Variants in DPYSL2 observed in about 807,000 individuals in gnomAD.
DPYSL2 encodes the protein dihydropyrimidinase-related protein 2.
In DPYSL2, 13 loss-of-function variants were observed where a neutral mutation model predicts 69.9. The observed-to-expected ratio is 0.19, with a 90% CI of 0.12 to 0.30. DPYSL2 has a LOEUF of 0.30. Among genes scored for constraint, DPYSL2 ranks in the 10% least tolerant of loss-of-function variants. The pLI is 1.00. For missense variants in DPYSL2, 587 were observed against 918.9 expected, an observed-to-expected ratio of 0.64 and a Z score of 4.67; for synonymous variants, 326 against 359.1, an observed-to-expected ratio of 0.91 and a Z score of 1.04.
In DPYSL2 at chr8:26,652,360, C is replaced by T. The variant is rs1305763042; in HGVS notation, c.1700C>T (p.Thr567Ile). ...CTGGAGGACGGCACCCTGCATGTCA[C>T]CGAAGGCTCTGGACGCTACATTCCC... ...IVLEDGTLHV[T>I]EGSGRYIPRK... is the part of the protein sequence containing the mutation. Residue 567 changes from threonine (T) to isoleucine (I), a missense_variant, in exon 12 of 14, where the codon ACC becomes ATC. By Grantham distance (89) the Thr-to-Ile change is moderately conservative. Around this residue, in one of 3 missense-constraint regions of DPYSL2, gnomAD observed 452 missense variants for 754.3 expected, o/e 0.60. Coordinates refer to ENST00000521913, the MANE Select transcript of DPYSL2 (RefSeq NM_001197293.3). This position sits in a 1 kb window ranked among gnomAD's most constrained non-coding sequence, Gnocchi z 6.3. The T allele has an allele frequency of 6.2e-7, 1 of 1,614,186 alleles. No individual in the cohort carries two copies. The highest frequency in any genetic ancestry group is 8.5e-7 in the Non-Finnish European group (1 of 1,180,016).
At chr8:26,607,834 C>T (rs1489889723) in intron 3 of DPYSL2, among the ~76,000 whole-genome samples, 5 of 151,596 alleles carry the variant, frequency 3.3e-5, no homozygotes, top group Non-Finnish European at 7.4e-5. Context: ...AATCCCCACA[C>T]TTTGGGAGGC....
intron 7 of DPYSL2, among the ~76,000 whole-genome samples, chr8:26,632,566 T>C (rs184979970): frequency 1.4e-4 from 22 of 152,258 alleles, no homozygotes; most frequent in Admixed American, 1.2e-3. Context: ...AAGATAGGCG[T>C]AGTGGCTTGT....
intron 1 of DPYSL2, among the ~76,000 whole-genome samples, chr8:26,569,931 G>A (rs1231482691): frequency 2.0e-5 from 3 of 152,160 alleles, no homozygotes; most frequent in African/African-American, 4.8e-5. Context: ...TCAGTCGGGC[G>A]CGGTGGCTCA....
rs1803055699 is a variant in DPYSL2, at chr8:26,641,796, G to A, written c.1127-1643G>A. Among the ~76,000 whole-genome samples, 1 of 152,228 alleles carries A rather than the reference G, an allele frequency of 6.6e-6. No homozygotes were observed. Among genetic ancestry groups the A allele is most frequent in the Non-Finnish European group, 1.5e-5 (1 of 68,050 alleles). ...GGGGCGTGGTTGCTGGTGGCCTGGA[G>A]TGAGCTGCCTGCTGTGGCCTCCAGC... On this transcript the variant is annotated intron_variant, in intron 8 of 13. Coordinates refer to ENST00000521913, the MANE Select transcript of DPYSL2 (RefSeq NM_001197293.3). The surrounding 1 kb of genome is among the most constrained non-coding windows in gnomAD (Gnocchi z 4.1).
rs945691584 is a variant in DPYSL2, at chr8:26,588,283, A to T, written c.628+4300A>T. On this transcript the variant is annotated intron_variant, in intron 3 of 13. Transcript: ENST00000521913. The surrounding 1 kb of genome is among the most constrained non-coding windows in gnomAD (Gnocchi z 5.4). ...GGCGCTGTCTAGGCGTGGCTGGCGG[A>T]CTGTGTGCTTTGTGTGTTGCTTCTG... Among the ~76,000 whole-genome samples, 1 of 152,046 alleles carries T rather than the reference A, an allele frequency of 6.6e-6. No homozygotes were observed. The highest frequency in any genetic ancestry group is 1.5e-5 in the Non-Finnish European group (1 of 67,978).
At chr8:26,518,041 A>T (rs563380393) in intron 1 of DPYSL2, among the ~76,000 whole-genome samples, 8 of 152,348 alleles carry the variant, frequency 5.3e-5, no homozygotes, top group Admixed American at 5.2e-4. Flanking sequence ...CCCTTCTCCC[A>T]TTCAGAATTC....
At chr8:26,646,203 GGTT>G (rs1803160603) in intron 10 of DPYSL2, among the ~76,000 whole-genome samples, 1 of 43,488 alleles carries the variant, frequency 2.3e-5, no homozygotes. Flanking sequence ...TGTTGTTTCT[GGTT>G]TTTTTTTTTT....
Position 26,585,170 on chromosome 8 carries a change from A to C in DPYSL2, c.628+1187A>C, listed in dbSNP as rs1178328575. On this transcript the variant is annotated intron_variant, in intron 3 of 13. Transcript: ENST00000521913. This position sits in a 1 kb window ranked among gnomAD's most constrained non-coding sequence, Gnocchi z 4.0. ...AGTCTGTCATATATGAAAAGATAGC[A>C]GTTCAGTTCAGAAGAGGGTCTAAGT... Among the ~76,000 whole-genome samples, 1 of 152,234 alleles carries C rather than the reference A, an allele frequency of 6.6e-6. No individual in the cohort carries two copies. Among genetic ancestry groups the C allele is most frequent in the Non-Finnish European group, 1.5e-5 (1 of 68,042 alleles).
chr8:26,623,400 A>G (rs1802541632), intron 3 of DPYSL2, among the ~76,000 whole-genome samples: 1 of 152,188 alleles, frequency 6.6e-6, no homozygotes, highest in Non-Finnish European at 1.5e-5. Flanking sequence ...TCCTCATAAC[A>G]AATGTATGTG....
In DPYSL2 at chr8:26,625,668, T is replaced by C. The variant is rs1802596699; in HGVS notation, c.794-949T>C. ...AATGGACCTTTTCTTACTTAAAAAA[T>C]CATTTGCTTAAAAATCAGCATGGAA... is the stretch of plus-strand genomic sequence containing the variant. On this transcript the variant is annotated intron_variant, in intron 4 of 13. Transcript: ENST00000521913. Among the ~76,000 whole-genome samples the C allele has an allele frequency of 2.6e-5, 4 of 152,128 alleles. No homozygotes were observed. The South Asian group carries it at 8.3e-4, about 31-fold the overall frequency.
At chr8:26,612,029 G>C (rs1045782567) in intron 3 of DPYSL2, among the ~76,000 whole-genome samples, 8 of 152,252 alleles carry the variant, frequency 5.3e-5, no homozygotes, top group African/African-American at 1.9e-4. Flanking sequence ...ATTTAATCAT[G>C]TGGTTGTAAA....
chr8:26,622,648 A>G (rs1253936084), intron 3 of DPYSL2, among the ~76,000 whole-genome samples: 1 of 152,062 alleles, frequency 6.6e-6, no homozygotes, highest in African/African-American at 2.4e-5. Flanking sequence ...GACTACAGGC[A>G]TGTGTCACCA....
chr8:26,522,605 T>C (rs1432166043), intron 1 of DPYSL2, among the ~76,000 whole-genome samples: 2 of 152,240 alleles, frequency 1.3e-5, no homozygotes, highest in African/African-American at 4.8e-5. Context: ...CTAATAATGT[T>C]GAGCATCTTT....
intron 7 of DPYSL2, among the ~76,000 whole-genome samples, chr8:26,631,791 G>A (rs1282470897): frequency 6.6e-6 from 1 of 152,104 alleles, no homozygotes; most frequent in African/African-American, 2.4e-5. Context: ...GGGTTTGAAA[G>A]GCTTGGATAG....
intron 3 of DPYSL2, among the ~76,000 whole-genome samples, chr8:26,623,215 G>C (rs1419132798): frequency 6.6e-6 from 1 of 152,172 alleles, no homozygotes; most frequent in Non-Finnish European, 1.5e-5. Flanking sequence ...GGAGAGCAGG[G>C]TACAAGGGAG....
At chr8:26,634,929 G>T in intron 8 of DPYSL2, 29 bp downstream of exon 8, 1 of 1,613,228 alleles carries the variant, frequency 6.2e-7, no homozygotes, top group Non-Finnish European at 8.5e-7. Context: ...CTGGCTGATG[G>T]CAGGTGGGGA....
At chr8:26,649,293 C>T (rs578059175) in intron 11 of DPYSL2, among the ~76,000 whole-genome samples, 34 of 152,342 alleles carry the variant, frequency 2.2e-4, no homozygotes, top group Admixed American at 2.6e-4. Flanking sequence ...CAGGCTTAGA[C>T]GGGGAAAATG....
In DPYSL2 at chr8:26,643,376, A is replaced by T. The variant is rs1585569168; in HGVS notation, c.1127-63A>T. On this transcript the variant is annotated intron_variant, in intron 8 of 13. Transcript: ENST00000521913. The surrounding 1 kb of genome is among the most constrained non-coding windows in gnomAD (Gnocchi z 6.5). ...GCTGCTGGGCAGGCAGTGGCTCCTCATAGGGGTGGTTCCCTTCCCCCTGCA... is the reference window on the plus strand; with the variant it reads ...GCTGCTGGGCAGGCAGTGGCTCCTCTTAGGGGTGGTTCCCTTCCCCCTGCA... The T allele has an allele frequency of 3.3e-6, 5 of 1,515,668 alleles. No homozygotes were observed. Among genetic ancestry groups the T allele is most frequent in the Non-Finnish European group, 2.7e-6 (3 of 1,131,274 alleles). 93.9% of individuals were successfully genotyped at this position (1,515,668 alleles called of 1,614,324 possible).
intron 3 of DPYSL2, among the ~76,000 whole-genome samples, chr8:26,592,160 TTTTA>T (rs1171046528): frequency 6.6e-6 from 1 of 151,804 alleles, no homozygotes; most frequent in Non-Finnish European, 1.5e-5. Flanking sequence ...GTGCAGAGAG[TTTTA>T]TTTATTTATT....
Sources: gnomAD v4.1 joint callset for allele counts (sites outside exome capture counted in the v4.1 genomes callset) on GRCh38, gnomAD v4.1.1 for gene constraint, gnomAD v4.1.1 regional missense constraint, Gnocchi (gnomAD v3.1) non-coding constraint, MANE v1.5 for transcripts, NCBI Gene and HGNC (gene_info 2026-07-23, HGNC 2026-07-21) for gene names.